Variants in USP53 observed in about 807,000 individuals in gnomAD.
USP53 encodes ubiquitin carboxyl-terminal hydrolase 53.
USP53 carries 71 observed loss-of-function variants against 94.9 expected under a neutral mutation model. The observed-to-expected ratio is 0.75, with a 90% CI of 0.62 to 0.91. The LOEUF (loss-of-function observed/expected upper bound fraction) is 0.91. Among genes scored for constraint, USP53 ranks in the 40% least tolerant of loss-of-function variants. The pLI, the probability that USP53 is intolerant of heterozygous loss-of-function variation, is 0.00. For missense variants in USP53, 1,173 were observed against 1,281.0 expected (o/e 0.92, Z 1.29); for synonymous variants, 375 against 422.7 (o/e 0.89, Z 1.39).
rs114694130 is a variant in USP53 at position 119,225,775 on chromosome 4, C to G, written c.-665+8102C>G. Among the ~76,000 whole-genome samples the G allele has an allele frequency of 5.4e-3, 822 of 151,536 alleles. 1 individual carries two copies. The highest frequency in any genetic ancestry group is 0.01 in the Admixed American group (158 of 15,220). On this transcript the variant is annotated intron_variant, in intron 3 of 18. Coordinates refer to ENST00000692078, the MANE Select transcript of USP53 (RefSeq NM_001371395.1). The stretch of plus-strand genomic sequence containing the variant: ...CAAAACAAACAAAGAAAAAAAAATT[C>G]AGTAACAAAATCAGACAAAGATATC...
Position 119,227,256 on chromosome 4 carries a change from T to TATACACACACACACACACACACACACAC in USP53, c.-664-8033_-664-8032insTACACACACACACACACACACACACACA, listed in dbSNP as rs1376598406. 2.0e-3 allele frequency among the ~76,000 whole-genome samples: 245 copies of TATACACACACACACACACACACACACAC among 125,116 alleles called. 6 individuals carry two copies. The highest frequency in any genetic ancestry group is 3.7e-3 in the East Asian group (17 of 4,636). The allele number at this position is 125,116 out of a possible 152,430, so 82.1% of individuals were successfully genotyped here. On this transcript the variant is annotated intron_variant, in intron 3 of 18. Coordinates refer to ENST00000692078, the MANE Select transcript of USP53 (RefSeq NM_001371395.1). ...ATTAATCCAAAGCCTTGTCTAACACTACACACACACACACACACACACACA... is the reference window on the plus strand; with the variant it reads ...ATTAATCCAAAGCCTTGTCTAACACTATACACACACACACACACACACACACACACACACACACACACACACACACACA...
At chr4:119,216,454 C>G (rs1053231759) in intron 2 of USP53, among the ~76,000 whole-genome samples, 1 of 151,556 alleles carries the variant, frequency 6.6e-6, no homozygotes, top group Non-Finnish European at 1.5e-5. Flanking sequence ...TAAATCAAGT[C>G]TCTGTTGCTG....
chr4:119,273,365 A>C, intron 16 of USP53: 1 of 244,486 alleles, frequency 4.1e-6, no homozygotes. Context: ...TCTTCTTGGA[A>C]TGGAGTAGCC....
At chr4:119,246,985 G>A (rs1030514004) in intron 6 of USP53, among the ~76,000 whole-genome samples, 12 of 150,784 alleles carry the variant, frequency 8.0e-5, no homozygotes, top group Admixed American at 6.6e-4. Flanking sequence ...ATTTCATTAT[G>A]TTCCTGAAAA....
At chr4:119,226,302 G>C (rs1285405881) in intron 3 of USP53, among the ~76,000 whole-genome samples, 4 of 152,148 alleles carry the variant, frequency 2.6e-5, no homozygotes, top group African/African-American at 9.7e-5. Flanking sequence ...GCATTGTACA[G>C]GACGTCCTAC....
intron 3 of USP53, among the ~76,000 whole-genome samples, chr4:119,226,529 A>G (rs1327546216): frequency 2.0e-5 from 3 of 152,228 alleles, no homozygotes; most frequent in Non-Finnish European, 2.9e-5. Flanking sequence ...AAAAAAGATG[A>G]AAAACTTAGA....
At position 119,267,308 on chromosome 4, in the gene USP53, T is replaced by C; in HGVS notation, c.973-12T>C. ...TTTTGTTTTGTCTTTATTCATTGTG[T>C]TTTTTTAAAAGATTGGAACTAGATG... is the stretch of plus-strand genomic sequence containing the variant. On this transcript the variant is annotated splice_polypyrimidine_tract_variant and intron_variant, in intron 12 of 18. Coordinates refer to ENST00000692078, the MANE Select transcript of USP53 (RefSeq NM_001371395.1). 6.2e-7 allele frequency: 1 copy of C among 1,610,434 alleles called. No homozygotes were observed. The highest frequency in any genetic ancestry group is 8.5e-7 in the Non-Finnish European group (1 of 1,178,702).
At chr4:119,238,316 G>A (rs943600903) in intron 4 of USP53, among the ~76,000 whole-genome samples, 1 of 152,114 alleles carries the variant, frequency 6.6e-6, no homozygotes, top group Admixed American at 6.6e-5. Flanking sequence ...ATGAACTGAC[G>A]TCATTTCAGT....
chr4:119,268,075 C>G lies in USP53; in HGVS notation c.1136-193C>G, dbSNP rs574329251. Among the ~76,000 whole-genome samples, 123 of 148,608 alleles carry G rather than the reference C, an allele frequency of 8.3e-4. 2 individuals are homozygous for G. Among genetic ancestry groups the G allele is most frequent in the Admixed American group, 2.9e-3 (42 of 14,584 alleles). ...CCAGCTACTCGGGAGGCTGAGGCAG[C>G]AGAATGGCGTGAACCCGGGAGGCGG... is the stretch of plus-strand genomic sequence containing the variant. On this transcript the variant is annotated intron_variant, in intron 13 of 18. Coordinates refer to ENST00000692078, the MANE Select transcript of USP53 (RefSeq NM_001371395.1).
chr4:119,288,579 G>A (rs1754365513), intron 17 of USP53, among the ~76,000 whole-genome samples: 1 of 152,114 alleles, frequency 6.6e-6, no homozygotes. Context: ...AGTCTGTCTT[G>A]CACTTTGAAT....
chr4:119,269,379 A>G (rs1578524391), intron 14 of USP53, among the ~76,000 whole-genome samples: 2 of 152,230 alleles, frequency 1.3e-5, no homozygotes, highest in Admixed American at 1.3e-4. Context: ...CAAAGAAGTA[A>G]ATGAGTAAGA....
Position 119,293,841 on chromosome 4 carries a change from T to G in USP53, c.*630T>G, listed in dbSNP as rs912503346. The G allele has an allele frequency of 1.3e-5, 2 of 152,106 alleles. No individual in the cohort carries two copies. Among genetic ancestry groups the G allele is most frequent in the Non-Finnish European group, 2.9e-5 (2 of 67,986 alleles). 9.4% of individuals were successfully genotyped at this position (152,106 alleles called of 1,614,324 possible). A position where few individuals can be genotyped will look rare whatever the true frequency, so the allele number is the denominator to read the frequency against. ...TTTAAGTGTCTTTAAAAAAAATGAC[T>G]TATGAATTTGATAGCATTTGGGGAA... On this transcript the variant is annotated 3_prime_UTR_variant, in exon 19 of 19. Coordinates refer to ENST00000692078, the MANE Select transcript of USP53 (RefSeq NM_001371395.1).
At chr4:119,217,494 G>A (rs949583004) in intron 2 of USP53, 56 bp from the exon 3 acceptor site, 1 of 152,162 alleles carries the variant, frequency 6.6e-6, no homozygotes, top group Non-Finnish European at 1.5e-5. Flanking sequence ...TGTTTCCTGA[G>A]CTTCCTTTAA....
chr4:119,283,659 A>G (rs1753763413), intron 17 of USP53, among the ~76,000 whole-genome samples: 1 of 151,850 alleles, frequency 6.6e-6, no homozygotes, highest in Non-Finnish European at 1.5e-5. Flanking sequence ...AATGAGAGAA[A>G]GGGAAGCAGG....
At chr4:119,261,688 G>C (rs1247100164) in intron 11 of USP53, 27 bp from the exon 12 acceptor site, 1 of 1,538,774 alleles carries the variant, frequency 6.5e-7, no homozygotes, top group Non-Finnish European at 8.9e-7. Context: ...GTAGTGTTAA[G>C]TGTACATTAC....
rs1755015079 is a variant in USP53 at position 119,293,647 on chromosome 4, C to T, written c.*436C>T. On this transcript the variant is annotated 3_prime_UTR_variant, in exon 19 of 19. Transcript: ENST00000692078. ...GGGAAGTATTAAACTAACCAGTACT[C>T]ATGTATGGAGATTATAAACTATGCT... The T allele has an allele frequency of 6.5e-6, 1 of 154,474 alleles. No homozygotes were observed. Among genetic ancestry groups the T allele is most frequent in the South Asian group, 2.0e-4 (1 of 4,952 alleles). 9.6% of individuals were successfully genotyped at this position (154,474 alleles called of 1,614,324 possible).
chr4:119,224,429 A>G (rs1239015341), intron 3 of USP53, among the ~76,000 whole-genome samples: 1 of 152,262 alleles, frequency 6.6e-6, no homozygotes, highest in Non-Finnish European at 1.5e-5. Flanking sequence ...AAAGAATATC[A>G]CAACTATCAC....
intron 7 of USP53, among the ~76,000 whole-genome samples, chr4:119,253,475 T>A (rs938737259): frequency 1.3e-5 from 2 of 152,092 alleles, no homozygotes; most frequent in African/African-American, 4.8e-5. Flanking sequence ...TATGTAATGG[T>A]CTTCTTTGTC....
In USP53 at chr4:119,239,903, G is replaced by A. The variant is rs1385188633; in HGVS notation, c.144G>A (p.Gln48=). ...QNSCFLNSAV[Q]VLWQLDIFRR... is the part of the protein sequence containing the mutation. ...GCTGCTTTCTTAATAGCGCTGTACA[G>A]GTGAGACCATAATTACTTATTACAT... is the stretch of plus-strand genomic sequence containing the variant. The change falls in exon 5 of 19, where the codon CAG becomes CAA. Residue 48 remains glutamine (Q), a splice_region_variant and synonymous_variant. Coordinates refer to ENST00000692078, the MANE Select transcript of USP53 (RefSeq NM_001371395.1). 6.7e-7 allele frequency: 1 copy of A among 1,489,830 alleles called. No homozygotes were observed. The highest frequency in any genetic ancestry group is 1.4e-5 in the African/African-American group (1 of 70,924). 92.3% of individuals were successfully genotyped at this position (1,489,830 alleles called of 1,614,324 possible).
Sources: allele counts gnomAD v4.1 joint callset (sites outside exome capture counted in the v4.1 genomes callset), GRCh38; gene constraint gnomAD v4.1.1; transcripts MANE v1.5; gene names NCBI Gene and HGNC (gene_info 2026-07-23, HGNC 2026-07-21).